ERG: variants seen among roughly 807,000 people sequenced by gnomAD.
The protein encoded by ERG is ETS transcription factor ERG, also known as transcriptional regulator ERG.
In ERG, 9 loss-of-function variants were observed where a neutral mutation model predicts 55.3. The observed-to-expected ratio is 0.16, with a 90% CI of 0.10 to 0.28. The LOEUF (loss-of-function observed/expected upper bound fraction) is 0.28. ERG is among the 10% of genes least tolerant of loss of function. The pLI is 1.00. For synonymous variants in ERG, 223 were observed against 237.3 expected (o/e 0.94, Z 0.55); for missense variants, 434 against 631.6 (o/e 0.69, Z 3.35).
chr21:38,423,804 G>A (rs992675827), intron 2 of ERG, among the ~76,000 whole-genome samples: 1 of 152,086 alleles, frequency 6.6e-6, no homozygotes, highest in Non-Finnish European at 1.5e-5. Context: ...TGGCCAACAT[G>A]GTGAAACCCC....
rs571706535 is a variant in ERG at position 38,485,648 on chromosome 21, T to C, written c.18+12715A>G. On this transcript the variant is annotated intron_variant, in intron 1 of 9. Coordinates refer to ENST00000288319, the MANE Select transcript of ERG (RefSeq NM_182918.4). ...CTAATTTTTGTATTTTTAGTAGAGA[T>C]GGGGTTTCACTATGTTGGCCAGGAT... 2.2e-3 allele frequency among the ~76,000 whole-genome samples: 340 copies of C among 151,234 alleles called. 2 individuals carry two copies. Among genetic ancestry groups the C allele is most frequent in the African/African-American group, 7.9e-3 (323 of 41,120 alleles).
intron 1 of ERG, among the ~76,000 whole-genome samples, chr21:38,492,954 T>C (rs752200054): frequency 2.0e-4 from 31 of 152,328 alleles, no homozygotes; most frequent in Non-Finnish European, 3.8e-4. Flanking sequence ...TCTGTCAGAA[T>C]GGCAAAGATT....
chr21:38,483,168 A>G (rs2059252926), intron 1 of ERG, among the ~76,000 whole-genome samples: 1 of 152,236 alleles, frequency 6.6e-6, no homozygotes. Flanking sequence ...AAGAATATAA[A>G]GTAGCAAATA....
Position 38,490,115 on chromosome 21 carries a change from C to T in ERG, c.18+8248G>A, listed in dbSNP as rs76486567. Reference sequence around the variant, plus strand: ...CAATCTCCAATGCAGATCAGGTGCTCGTGAATAATTGGGAGCTCACTGTGT... The same window carrying T: ...CAATCTCCAATGCAGATCAGGTGCTTGTGAATAATTGGGAGCTCACTGTGT... On this transcript the variant is annotated intron_variant, in intron 1 of 9. Coordinates refer to ENST00000288319, the MANE Select transcript of ERG (RefSeq NM_182918.4). 3.9e-3 allele frequency among the ~76,000 whole-genome samples: 588 copies of T among 152,198 alleles called. 20 individuals are homozygous for T. The East Asian group carries it at 0.063, about 16-fold the overall frequency.
intron 1 of ERG, among the ~76,000 whole-genome samples, chr21:38,633,101 T>C (rs934800977): frequency 6.6e-6 from 1 of 151,724 alleles, no homozygotes; most frequent in African/African-American, 2.4e-5. Flanking sequence ...TTGAGGACAT[T>C]AAGCTAAGAA....
chr21:38,400,024 A>G (rs917794728), intron 6 of ERG: 2 of 230,958 alleles, frequency 8.7e-6, no homozygotes, highest in Admixed American at 1.0e-4. Context: ...ATATATTCCC[A>G]GAGTCTAACA....
chr21:38,572,241 G>T (rs926121135), intron 2 of ERG, among the ~76,000 whole-genome samples: 4 of 150,692 alleles, frequency 2.7e-5, no homozygotes, highest in Non-Finnish European at 1.5e-5. Flanking sequence ...GGTGGCAGGT[G>T]CCTGTAGTCC....
chr21:38,493,119 A>T (rs74625227), intron 1 of ERG, among the ~76,000 whole-genome samples: 4,902 of 152,272 alleles, frequency 0.032, 158 homozygotes, highest in Middle Eastern at 0.092. Context: ...AGACTTAAAA[A>T]ATATATATAC....
intron 2 of ERG, among the ~76,000 whole-genome samples, chr21:38,438,997 G>A (rs986630626): frequency 6.6e-6 from 1 of 152,218 alleles, no homozygotes; most frequent in Non-Finnish European, 1.5e-5. Flanking sequence ...CGGAGCCCAC[G>A]CTGAGAATCA....
chr21:38,592,582 TG>T (rs2060107603), intron 1 of ERG, among the ~76,000 whole-genome samples: 1 of 138,414 alleles, frequency 7.2e-6, no homozygotes, highest in Admixed American at 6.9e-5. Flanking sequence ...TGTGTGTGTG[TG>T]TGTGTGTGTG....
At chr21:38,638,416 C>G (rs1299364312) in intron 1 of ERG, among the ~76,000 whole-genome samples, 1 of 152,176 alleles carries the variant, frequency 6.6e-6, no homozygotes, top group African/African-American at 2.4e-5. Flanking sequence ...CAGCACTCAT[C>G]CAACAAGACT....
chr21:38,385,833 GA>G (rs1472917185), intron 9 of ERG, among the ~76,000 whole-genome samples: 3 of 152,122 alleles, frequency 2.0e-5, no homozygotes, highest in African/African-American at 7.2e-5. Flanking sequence ...ATTACAACTT[GA>G]AAAAATTCCG....
chr21:38,429,444 C>CATAT (rs1990025964), intron 2 of ERG, among the ~76,000 whole-genome samples: 1 of 26,650 alleles, frequency 3.8e-5, no homozygotes, highest in Non-Finnish European at 1.6e-4. Flanking sequence ...CATGTATACA[C>CATAT]GTGTACACAT....
chr21:38,610,362 T>C (rs762582151), intron 1 of ERG, among the ~76,000 whole-genome samples: 3 of 152,234 alleles, frequency 2.0e-5, no homozygotes, highest in East Asian at 3.9e-4. Context: ...TTCACTGCCA[T>C]GCGGGCTTCT....
chr21:38,605,137 T>C (rs9977789), intron 1 of ERG, among the ~76,000 whole-genome samples: 325 of 152,288 alleles, frequency 2.1e-3, no homozygotes, highest in Non-Finnish European at 3.9e-3. Flanking sequence ...CCTTCCCCAC[T>C]TCTGTCCACT....
At chr21:38,607,060 T>C (rs558325357) in intron 1 of ERG, among the ~76,000 whole-genome samples, 2 of 152,120 alleles carry the variant, frequency 1.3e-5, no homozygotes, top group Admixed American at 1.3e-4. Context: ...ATAAAGATTA[T>C]CTACAAAGGA....
At chr21:38,649,813 G>A (rs1601354047) in intron 1 of ERG, among the ~76,000 whole-genome samples, 2 of 152,318 alleles carry the variant, frequency 1.3e-5, no homozygotes, top group East Asian at 3.9e-4. Context: ...TGAAAGCTGG[G>A]GAGCCTGCAG....
intron 2 of ERG, among the ~76,000 whole-genome samples, chr21:38,536,845 C>T (rs1007201676): frequency 1.1e-4 from 16 of 152,212 alleles, no homozygotes; most frequent in African/African-American, 3.9e-4. Context: ...CAGAAAAGAA[C>T]GTATCAATGA....
chr21:38,546,898 T>C (rs1433110373), intron 2 of ERG, among the ~76,000 whole-genome samples: 2 of 152,182 alleles, frequency 1.3e-5, no homozygotes, highest in African/African-American at 4.8e-5. Context: ...AGAACAGTGT[T>C]CAATTAATCC....
Sources: gnomAD v4.1 joint callset for allele counts (sites outside exome capture counted in the v4.1 genomes callset) on GRCh38, gnomAD v4.1.1 for gene constraint, MANE v1.5 for transcripts, NCBI Gene and HGNC (gene_info 2026-07-23, HGNC 2026-07-21) for gene names.